CNTN5: variants seen among roughly 807,000 people sequenced by gnomAD.
CNTN5 encodes contactin-5.
A neutral mutation model predicts 129.1 loss-of-function variants in CNTN5; 77 were observed. The ratio of observed to expected loss-of-function variants is 0.60; its 90% CI spans 0.50 to 0.72. The LOEUF (loss-of-function observed/expected upper bound fraction) is 0.72. CNTN5 is among the 30% of genes least tolerant of loss of function. The probability of loss-of-function intolerance (pLI) is 0.00; values close to 1 mark genes in which losing one functional copy is unlikely to be tolerated. For missense variants in CNTN5, 1,478 were observed against 1,328.8 expected (o/e 1.11, Z -1.75); for synonymous variants, 509 against 465.6 (o/e 1.09, Z -1.20).
chr11:99,063,176 A>G (rs1198007775), intron 1 of CNTN5, among the ~76,000 whole-genome samples: 1 of 152,102 alleles, frequency 6.6e-6, no homozygotes, highest in African/African-American at 2.4e-5. Context: ...CTGAAAATTT[A>G]TCACAGCCAG....
Position 100,356,330 on chromosome 11 carries a change from C to T in CNTN5, c.*110C>T. 2.6e-6 allele frequency: 2 copies of T among 759,406 alleles called. No homozygotes were observed. Among genetic ancestry groups the T allele is most frequent in the South Asian group, 1.5e-5 (1 of 66,470 alleles). 47.0% of individuals were successfully genotyped at this position (759,406 alleles called of 1,614,324 possible). On this transcript the variant is annotated 3_prime_UTR_variant, in exon 25 of 25. Coordinates refer to ENST00000524871, the MANE Select transcript of CNTN5 (RefSeq NM_014361.4). ...CTGAGATGAGCTTGAGCTTTAAAAA[C>T]TTGGGACTATACATGGTGAACTTAC...
intron 6 of CNTN5, among the ~76,000 whole-genome samples, chr11:99,892,053 G>C (rs1020418412): frequency 6.6e-6 from 1 of 152,142 alleles, no homozygotes; most frequent in African/African-American, 2.4e-5. Context: ...TCTAATAGTG[G>C]TTTTGATTTG....
intron 1 of CNTN5, among the ~76,000 whole-genome samples, chr11:99,126,256 T>C (rs1176478473): frequency 6.6e-6 from 1 of 152,214 alleles, no homozygotes; most frequent in Non-Finnish European, 1.5e-5. Flanking sequence ...TTCAGGCGTA[T>C]GTCATGTTGA....
rs544061940 is a variant in CNTN5, at chr11:99,961,556, A to C, written c.877+4547A>C. On this transcript the variant is annotated intron_variant, in intron 8 of 24. Transcript: ENST00000524871. The stretch of plus-strand genomic sequence containing the variant: ...CCAATGGAAGCTTGAGGACATTCTG[A>C]AATCAAAGTTAGCACTAAGAAGGGA... Among the ~76,000 whole-genome samples, 318 of 152,322 alleles carry C rather than the reference A, an allele frequency of 2.1e-3. 3 individuals carry two copies. Among genetic ancestry groups the C allele is most frequent in the Non-Finnish European group, 1.2e-3 (82 of 68,026 alleles).
chr11:99,496,606 G>A (rs1946236551), intron 2 of CNTN5, among the ~76,000 whole-genome samples: 1 of 152,196 alleles, frequency 6.6e-6, no homozygotes, highest in South Asian at 2.1e-4. Context: ...AGATAGATCA[G>A]TGGCTGTCTA....
intron 6 of CNTN5, among the ~76,000 whole-genome samples, chr11:99,904,855 C>G (rs1949454027): frequency 6.6e-6 from 1 of 152,166 alleles, no homozygotes; most frequent in East Asian, 1.9e-4. Context: ...GAGATGGTAT[C>G]TCTTTGTGGT....
intron 18 of CNTN5, among the ~76,000 whole-genome samples, chr11:100,293,966 A>G (rs938756040): frequency 6.6e-6 from 1 of 151,198 alleles, no homozygotes; most frequent in African/African-American, 2.4e-5. Context: ...ATTTGAGTAG[A>G]AAAAAAAATT....
intron 3 of CNTN5, among the ~76,000 whole-genome samples, chr11:99,572,764 T>TA (rs2135581607): frequency 4.1e-5 from 1 of 24,406 alleles, no homozygotes; most frequent in African/African-American, 8.2e-5. Context: ...TTGAGGGTTT[T>TA]TTTTAAAAAA....
intron 15 of CNTN5, among the ~76,000 whole-genome samples, chr11:100,205,723 TTTATA>T (rs752839385): frequency 2.2e-4 from 33 of 151,444 alleles, no homozygotes; most frequent in African/African-American, 7.1e-4. Flanking sequence ...TTACCTAGCA[TTTATA>T]TTATATTAGA....
chr11:99,492,748 CA>C (rs1200337055), intron 2 of CNTN5, among the ~76,000 whole-genome samples: 2 of 151,902 alleles, frequency 1.3e-5, no homozygotes, highest in Non-Finnish European at 1.5e-5. Flanking sequence ...AATGAAGACT[CA>C]AAGAAACAGG....
chr11:99,896,411 A>T (rs1949207865), intron 6 of CNTN5, among the ~76,000 whole-genome samples: 1 of 152,118 alleles, frequency 6.6e-6, no homozygotes, highest in Non-Finnish European at 1.5e-5. Flanking sequence ...ATTGAGAGAG[A>T]CTGAAGAGAT....
chr11:100,206,023 C>T (rs1948904355), intron 15 of CNTN5, among the ~76,000 whole-genome samples: 1 of 152,012 alleles, frequency 6.6e-6, no homozygotes, highest in African/African-American at 2.4e-5. Flanking sequence ...ACGAATACAA[C>T]TGAAGTAAAG....
At chr11:99,665,580 G>T (rs1181999496) in intron 3 of CNTN5, among the ~76,000 whole-genome samples, 5 of 150,306 alleles carry the variant, frequency 3.3e-5, no homozygotes, top group African/African-American at 1.2e-4. Flanking sequence ...CCACCTCCTG[G>T]GTTCAAGCAA....
intron 15 of CNTN5, among the ~76,000 whole-genome samples, chr11:100,217,305 C>G (rs1251664499): frequency 1.3e-5 from 2 of 152,022 alleles, no homozygotes; most frequent in Non-Finnish European, 2.9e-5. Context: ...TAAGAAGAAT[C>G]TATTGGTTGG....
chr11:99,685,833 TTA>T (rs1448161193), intron 3 of CNTN5, among the ~76,000 whole-genome samples: 2 of 152,068 alleles, frequency 1.3e-5, no homozygotes, highest in African/African-American at 4.8e-5. Context: ...CATCTACATT[TTA>T]TGTTTTACTA....
Position 99,642,936 on chromosome 11 carries a change from A to G in CNTN5, c.55+86667A>G, listed in dbSNP as rs1038939370. Among the ~76,000 whole-genome samples the G allele has an allele frequency of 3.3e-5, 5 of 152,096 alleles. No individual in the cohort carries two copies. The East Asian group carries it at 7.7e-4, about 23-fold the overall frequency. ...CAAATGACAGGTTTTATTCTTTTTC[A>G]TGGCTAAATCGTATTCCATTGTGTA... is the stretch of plus-strand genomic sequence containing the variant. On this transcript the variant is annotated intron_variant, in intron 3 of 24. Coordinates refer to ENST00000524871, the MANE Select transcript of CNTN5 (RefSeq NM_014361.4).
intron 1 of CNTN5, among the ~76,000 whole-genome samples, chr11:99,240,751 A>G (rs1212195465): frequency 1.3e-5 from 2 of 152,202 alleles, no homozygotes; most frequent in African/African-American, 4.8e-5. Flanking sequence ...TCTGTCTAAA[A>G]CAAATACAAA....
intron 13 of CNTN5, among the ~76,000 whole-genome samples, chr11:100,151,183 ATTG>A: frequency 6.6e-6 from 1 of 150,474 alleles, no homozygotes. Context: ...AGTTGTTGTA[ATTG>A]TTGTGTGTAA....
chr11:100,225,225 C>T (rs1324426218), intron 16 of CNTN5: 1 of 152,860 alleles, frequency 6.5e-6, no homozygotes, highest in Non-Finnish European at 1.5e-5. Context: ...CTTCCAAAAA[C>T]AGAAAAACTG....
Sources: gnomAD v4.1 joint callset for allele counts (sites outside exome capture counted in the v4.1 genomes callset) on GRCh38, gnomAD v4.1.1 for gene constraint, MANE v1.5 for transcripts, NCBI Gene and HGNC (gene_info 2026-07-23, HGNC 2026-07-21) for gene names.